Variants in ANXA1 observed in about 807,000 individuals in gnomAD.
The protein encoded by ANXA1 is annexin A1.
Under a neutral mutation model 47.9 loss-of-function variants are expected in ANXA1, and 39 were observed. That is an observed-to-expected ratio of 0.81 (90% CI 0.63 to 1.06). The LOEUF is 1.06. Among genes scored for constraint, ANXA1 ranks in the 50% least tolerant of loss-of-function variants. The pLI is 0.00. For synonymous variants in ANXA1, 146 were observed against 142.5 expected, an observed-to-expected ratio of 1.02 and a Z score of -0.17; for missense variants, 446 against 422.7, an observed-to-expected ratio of 1.06 and a Z score of -0.48.
chr9:73,165,218 A>C lies in ANXA1; in HGVS notation c.706+9A>C, dbSNP rs780032757. The C allele has an allele frequency of 6.2e-7, 1 of 1,608,582 alleles. No individual in the cohort carries two copies. Among genetic ancestry groups the C allele is most frequent in the Non-Finnish European group, 8.5e-7 (1 of 1,176,444 alleles). ...TCCACAACTTCGCAGAGGTAACAATAAATTTCTTTTTCTGGAATCTGTTTA... is the reference window on the plus strand; with the variant it reads ...TCCACAACTTCGCAGAGGTAACAATCAATTTCTTTTTCTGGAATCTGTTTA... On this transcript the variant is annotated intron_variant, in intron 9 of 12. Coordinates refer to ENST00000257497, the MANE Select transcript of ANXA1 (RefSeq NM_000700.3).
At chr9:73,154,458 CAG>C (rs1286226028) in intron 1 of ANXA1, 1 of 965,038 alleles carries the variant, frequency 1.0e-6, no homozygotes, top group Non-Finnish European at 1.4e-6. Flanking sequence ...TTCTTCCCGA[CAG>C]AGTCTTGTTA....
chr9:73,163,602 C>G, intron 8 of ANXA1, 70 bp downstream of exon 8: 1 of 1,496,610 alleles, frequency 6.7e-7, no homozygotes, highest in Non-Finnish European at 9.3e-7. Flanking sequence ...CACATGATCC[C>G]CTGTGAAAGC....
intron 11 of ANXA1, 141 bp from the exon 12 acceptor site, chr9:73,168,891 G>GTGTA: frequency 1.6e-6 from 1 of 632,376 alleles, no homozygotes; most frequent in Non-Finnish European, 2.7e-6. Context: ...GTGTGTGTGT[G>GTGTA]TGTGTGTGTG....
At chr9:73,165,855 A>G (rs1824220763) in intron 9 of ANXA1, among the ~76,000 whole-genome samples, 1 of 152,126 alleles carries the variant, frequency 6.6e-6, no homozygotes, top group Non-Finnish European at 1.5e-5. Context: ...GCCGTTTCTA[A>G]TAACTGTCAA....
intron 12 of ANXA1, among the ~76,000 whole-genome samples, chr9:73,169,634 TTTAA>T (rs1824290793): frequency 6.6e-6 from 1 of 152,152 alleles, no homozygotes; most frequent in African/African-American, 2.4e-5. Context: ...ACGATTCAAA[TTTAA>T]TTAATTAGTC....
chr9:73,154,875 C>T (rs1360807994), intron 1 of ANXA1, among the ~76,000 whole-genome samples: 1 of 152,152 alleles, frequency 6.6e-6, no homozygotes, highest in African/African-American at 2.4e-5. Context: ...GGCTATTATT[C>T]CAAGCAAGGG....
chr9:73,170,026 A>G (rs1021871454), intron 12 of ANXA1, 25 bp from the exon 13 acceptor site: 2 of 1,575,404 alleles, frequency 1.3e-6, no homozygotes, highest in Non-Finnish European at 1.7e-6. Flanking sequence ...ACTAACATTA[A>G]GTATACCTTT....
At chr9:73,153,140 C>A (rs1441487746) in intron 1 of ANXA1, among the ~76,000 whole-genome samples, 2 of 152,126 alleles carry the variant, frequency 1.3e-5, no homozygotes, top group East Asian at 3.8e-4. Context: ...TCAACCACAT[C>A]CAGCACATAG....
At chr9:73,154,737 C>A (rs551056689) in intron 1 of ANXA1, among the ~76,000 whole-genome samples, 1 of 152,292 alleles carries the variant, frequency 6.6e-6, no homozygotes, top group South Asian at 2.1e-4. Flanking sequence ...CCATGCACAG[C>A]CAAAATATAT....
rs1197334408 is a variant in ANXA1, at chr9:73,160,474, T to C, written c.384+98T>C. 7 of 746,466 alleles carry C rather than the reference T, an allele frequency of 9.4e-6. No homozygotes were observed. In the African/African-American group the frequency reaches 1.1e-4, roughly 12 times the overall value. 46.2% of individuals were successfully genotyped at this position (746,466 alleles called of 1,614,324 possible). A position where few individuals can be genotyped will look rare whatever the true frequency, so the allele number is the denominator to read the frequency against. On this transcript the variant is annotated intron_variant, in intron 5 of 12. Transcript: ENST00000257497. ...TTTTCAAAATCTAGTATAGTACCTG[T>C]CAATCAGTGGGAGTTTGAAGAATAA...
chr9:73,157,862 C>G (rs544063941), intron 1 of ANXA1: 1 of 152,062 alleles, frequency 6.6e-6, no homozygotes, highest in Admixed American at 6.6e-5. Context: ...TTTAAAAAAA[C>G]AAACAAACAA....
chr9:73,163,360 G>T, intron 7 of ANXA1, 116 bp from the exon 8 acceptor site: 1 of 984,898 alleles, frequency 1.0e-6, no homozygotes, highest in South Asian at 1.6e-5. Context: ...TTCTAGAAAT[G>T]AGTAATAGAA....
At chr9:73,160,599 G>T (rs1022807917) in intron 5 of ANXA1, among the ~76,000 whole-genome samples, 1 of 152,048 alleles carries the variant, frequency 6.6e-6, no homozygotes, top group Non-Finnish European at 1.5e-5. Flanking sequence ...TCATATATTT[G>T]CATTTTTATT....
At chr9:73,162,334 T>C (rs146788458) in intron 6 of ANXA1, among the ~76,000 whole-genome samples, 4 of 151,972 alleles carry the variant, frequency 2.6e-5, no homozygotes, top group African/African-American at 9.7e-5. Flanking sequence ...TACACACACA[T>C]AAATCATCAA....
At chr9:73,169,254 TG>T in intron 12 of ANXA1, 100 bp downstream of exon 12, 1 of 1,302,634 alleles carries the variant, frequency 7.7e-7, no homozygotes, top group Non-Finnish European at 1.0e-6. Flanking sequence ...AAATTTAATA[TG>T]TAAGATTAAT....
chr9:73,168,911 GTA>G (rs1554674612), intron 11 of ANXA1, 119 bp from the exon 12 acceptor site: 4 of 753,962 alleles, frequency 5.3e-6, no homozygotes, highest in Admixed American at 2.5e-5. Flanking sequence ...GTGTGTGTGT[GTA>G]TAGCTAGTTT....
chr9:73,168,948 T>A (rs1588227596), intron 11 of ANXA1, 84 bp from the exon 12 acceptor site: 1 of 1,325,866 alleles, frequency 7.5e-7, no homozygotes, highest in South Asian at 1.4e-5. Flanking sequence ...TATGGAAGAG[T>A]AAGAAGGCTT....
chr9:73,158,543 T>G lies in ANXA1; in HGVS notation c.8T>G (p.Met3Arg). 1 of 1,613,590 alleles carries G rather than the reference T, an allele frequency of 6.2e-7. No homozygotes were observed. Among genetic ancestry groups the G allele is most frequent in the South Asian group, 1.1e-5 (1 of 91,074 alleles). Residue 3 changes from methionine (M) to arginine (R), a missense_variant, in exon 2 of 13, where the codon ATG becomes AGG. Coordinates refer to ENST00000257497, the MANE Select transcript of ANXA1 (RefSeq NM_000700.3). ...CCAGACACTTTTTCAAAAATGGCAA[T>G]GGTATCAGAATTCCTCAAGCAGGCC... The part of the protein sequence containing the change: MA[M>R]VSEFLKQAWF...
intron 1 of ANXA1, chr9:73,157,827 G>A (rs899631551): frequency 5.3e-5 from 8 of 151,470 alleles, no homozygotes; most frequent in African/African-American, 1.5e-4. Context: ...ATGGTCTTTC[G>A]GAAACATAAA....
Sources: gnomAD v4.1 joint callset for allele counts (sites outside exome capture counted in the v4.1 genomes callset) on GRCh38, gnomAD v4.1.1 for gene constraint, MANE v1.5 for transcripts, NCBI Gene and HGNC (gene_info 2026-07-23, HGNC 2026-07-21) for gene names.